Variants in DAB1 observed in about 807,000 individuals in gnomAD.
DAB1 encodes disabled homolog 1.
Under a neutral mutation model 64.6 loss-of-function variants are expected in DAB1, and 15 were observed. The ratio of observed to expected loss-of-function variants is 0.23; its 90% CI spans 0.16 to 0.36. The LOEUF is 0.36. Ranked by LOEUF, DAB1 falls within the 10% of genes least tolerant of loss-of-function variation. The pLI is 1.00. For missense variants in DAB1, 596 were observed against 706.7 expected, an observed-to-expected ratio of 0.84 and a Z score of 1.78; for synonymous variants, 235 against 251.9, an observed-to-expected ratio of 0.93 and a Z score of 0.64.
intron 4 of DAB1, among the ~76,000 whole-genome samples, chr1:58,207,337 G>C (rs921321269): frequency 6.6e-6 from 1 of 152,192 alleles, no homozygotes; most frequent in Non-Finnish European, 1.5e-5. Flanking sequence ...GGAATCTCCA[G>C]GGTAGGAAAA....
rs1166781919 is a variant in DAB1 at position 58,170,221 on chromosome 1, C to T, written n.310-19633G>A. On this transcript the variant is annotated intron_variant and non_coding_transcript_variant, in intron 4 of 20. Coordinates refer to the DAB1 transcript ENST00000485760. The stretch of plus-strand genomic sequence containing the variant: ...AGATCATGGGGACTGGAGTTGTAAA[C>T]ATCTGTGGACCTGTGTTCTAGAAGG... Among the ~76,000 whole-genome samples, 11 of 152,288 alleles carry T rather than the reference C, an allele frequency of 7.2e-5. 1 individual carries two copies. Among genetic ancestry groups the T allele is most frequent in the African/African-American group, 2.4e-4 (10 of 41,566 alleles).
At chr1:58,057,268 T>A (rs998467236) in intron 5 of DAB1, among the ~76,000 whole-genome samples, 1 of 152,190 alleles carries the variant, frequency 6.6e-6, no homozygotes, top group Non-Finnish European at 1.5e-5. Context: ...TATTCATTTC[T>A]ACTCCCCTTG....
chr1:57,425,863 A>G (rs1237972926), upstream of DAB1, among the ~76,000 whole-genome samples: 1 of 152,192 alleles, frequency 6.6e-6, no homozygotes, highest in African/African-American at 2.4e-5. Context: ...TTGACACCAG[A>G]TATGCTTCTA....
rs140841477 is a variant in DAB1 at position 57,280,211 on chromosome 1, A to G, written c.67+10753T>C. The stretch of plus-strand genomic sequence containing the variant: ...TATTTTCAAGCTTAAATGAGAAAAC[A>G]TGGACACAAGGACACATGAACAATA... On this transcript the variant is annotated intron_variant, in intron 2 of 14. Coordinates refer to ENST00000371236, the MANE Select transcript of DAB1 (RefSeq NM_001365792.1). 4.0e-3 allele frequency among the ~76,000 whole-genome samples: 602 copies of G among 152,298 alleles called. 15 individuals carry two copies. Among genetic ancestry groups the G allele is most frequent in the East Asian group, 1.7e-3 (9 of 5,182 alleles).
At chr1:57,094,781 G>A (rs950260293) in intron 4 of DAB1, among the ~76,000 whole-genome samples, 5 of 152,190 alleles carry the variant, frequency 3.3e-5, no homozygotes, top group African/African-American at 1.2e-4. Context: ...GGTCATACCT[G>A]GATCACAGGA....
At chr1:57,226,663 T>TAAAAAAAA (rs71713506) in intron 2 of DAB1, among the ~76,000 whole-genome samples, 4 of 121,014 alleles carry the variant, frequency 3.3e-5, no homozygotes, top group African/African-American at 1.4e-4. Flanking sequence ...CAAAAGTGGT[T>TAAAAAAAA]AAAAAAAAAA....
intron 5 of DAB1, among the ~76,000 whole-genome samples, chr1:57,988,356 T>C (rs976516901): frequency 1.1e-4 from 17 of 152,294 alleles, no homozygotes; most frequent in African/African-American, 3.8e-4. Flanking sequence ...CCCTGGCAAG[T>C]GACTTAACCT....
intron 3 of DAB1, among the ~76,000 whole-genome samples, chr1:58,380,951 C>A (rs554401498): frequency 6.6e-6 from 1 of 152,166 alleles, no homozygotes; most frequent in African/African-American, 2.4e-5. Context: ...CCATGGAATA[C>A]TATGCACCCA....
intron 1 of DAB1, among the ~76,000 whole-genome samples, chr1:57,365,217 T>C (rs954581360): frequency 4.9e-5 from 7 of 142,034 alleles, no homozygotes; most frequent in African/African-American, 1.8e-4. Flanking sequence ...TAAATATATA[T>C]TTATGTTATA....
rs540832654 is a variant in DAB1, at chr1:57,576,946, C to A, written n.625+72646G>T. Among the ~76,000 whole-genome samples, 152 of 152,280 alleles carry A rather than the reference C, an allele frequency of 1.0e-3. 1 individual carries two copies. The highest frequency in any genetic ancestry group is 3.4e-3 in the Middle Eastern group (1 of 294). ...AGGCTTATCTACTGTGGCTGCTTCC[C>A]AGCTCACCTCTACGTGAACCTGACT... On this transcript the variant is annotated intron_variant and non_coding_transcript_variant, in intron 7 of 20. Transcript: ENST00000485760.
At chr1:57,651,740 C>G (rs140546979) in intron 6 of DAB1, among the ~76,000 whole-genome samples, 146 of 152,206 alleles carry the variant, frequency 9.6e-4, no homozygotes, top group Non-Finnish European at 1.9e-3. Context: ...AGACCTGGAG[C>G]TCTTAAACAC....
At chr1:57,918,867 C>T (rs1359622611) in intron 5 of DAB1, among the ~76,000 whole-genome samples, 4 of 152,082 alleles carry the variant, frequency 2.6e-5, no homozygotes, top group Admixed American at 2.0e-4. Context: ...AGAGGATCTG[C>T]CCCTGTGACA....
intron 4 of DAB1, among the ~76,000 whole-genome samples, chr1:58,245,061 T>C (rs4311913): frequency 6.6e-6 from 1 of 152,156 alleles, no homozygotes; most frequent in Non-Finnish European, 1.5e-5. Context: ...CTCACCAAAG[T>C]ATCAAGAGAC....
At chr1:58,437,197 T>G (rs1644954548) in intron 3 of DAB1, among the ~76,000 whole-genome samples, 1 of 152,192 alleles carries the variant, frequency 6.6e-6, no homozygotes, top group African/African-American at 2.4e-5. Context: ...TGATTCAGAT[T>G]CTCAGGCCTC....
intron 7 of DAB1, among the ~76,000 whole-genome samples, chr1:57,529,842 A>T (rs1177804851): frequency 1.3e-5 from 2 of 152,144 alleles, no homozygotes; most frequent in Non-Finnish European, 2.9e-5. Flanking sequence ...AGAGAGAAAA[A>T]TAATTCTATA....
At chr1:58,226,862 C>A (rs1051837822) in intron 4 of DAB1, among the ~76,000 whole-genome samples, 3 of 152,182 alleles carry the variant, frequency 2.0e-5, no homozygotes, top group African/African-American at 7.2e-5. Flanking sequence ...ACAGTGTCAT[C>A]CTTTGTTGAA....
rs1180103883 is a variant in DAB1, at chr1:56,998,017, A to C, written c.*127T>G. ...CTTGTGGGAAGAGGTGAAAGAATACAAGAGAGCCTGTCGTGATGCTGATGT... is the reference window on the plus strand; with the variant it reads ...CTTGTGGGAAGAGGTGAAAGAATACCAGAGAGCCTGTCGTGATGCTGATGT... On this transcript the variant is annotated 3_prime_UTR_variant, in exon 15 of 15. Coordinates refer to ENST00000371236, the MANE Select transcript of DAB1 (RefSeq NM_001365792.1). 1 of 152,592 alleles carries C rather than the reference A, an allele frequency of 6.6e-6. No homozygotes were observed. Among genetic ancestry groups the C allele is most frequent in the Admixed American group, 6.5e-5 (1 of 15,276 alleles). 9.5% of individuals were successfully genotyped at this position (152,592 alleles called of 1,614,324 possible). A position where few individuals can be genotyped will look rare whatever the true frequency, so the allele number is the denominator to read the frequency against.
intron 1 of DAB1, among the ~76,000 whole-genome samples, chr1:57,871,457 TA>T (rs1172725472): frequency 5.9e-5 from 9 of 152,274 alleles, no homozygotes; most frequent in African/African-American, 2.2e-4. Context: ...ACACAGCTAG[TA>T]AGCTTAGAGC....
intron 6 of DAB1, among the ~76,000 whole-genome samples, chr1:57,695,396 GAAAGAAAGAAAGAAAGAAAGA>G (rs1646828977): frequency 1.2e-5 from 1 of 83,880 alleles, no homozygotes. Flanking sequence ...AAGAAAGAAA[GAAAGAAAGAAAGAAAGAAAGA>G]AAGAAAGAAA....
Sources: gnomAD v4.1 joint callset for allele counts (sites outside exome capture counted in the v4.1 genomes callset) on GRCh38, gnomAD v4.1.1 for gene constraint, MANE v1.5 for transcripts, NCBI Gene and HGNC (gene_info 2026-07-23, HGNC 2026-07-21) for gene names.